ERAP1: variants seen among roughly 807,000 people sequenced by gnomAD.
The protein encoded by ERAP1 is adipocyte-derived leucine aminopeptidase.
ERAP1 carries 86 observed loss-of-function variants against 103.7 expected under a neutral mutation model. That is an observed-to-expected ratio of 0.83 (90% CI 0.70 to 0.99). The LOEUF (loss-of-function observed/expected upper bound fraction) is 0.99. ERAP1 is among the 50% of genes least tolerant of loss of function. ERAP1 has a pLI of 0.00. For missense variants in ERAP1, 1,009 were observed against 1,128.4 expected (o/e 0.89, Z 1.52); for synonymous variants, 398 against 402.4 (o/e 0.99, Z 0.13).
the ERAP1 span, chr5:96,915,840 T>C: frequency 2.3e-6 from 3 of 1,299,826 alleles, no homozygotes; most frequent in East Asian, 2.4e-5. Context: ...TAAACTTAGA[T>C]ATAATCTGAT....
chr5:96,915,339 T>C, the ERAP1 span, among the ~76,000 whole-genome samples: 33 of 152,186 alleles, frequency 2.2e-4, no homozygotes, highest in Non-Finnish European at 3.8e-4. Flanking sequence ...ATATGTATAT[T>C]GGGAAGTTCT....
chr5:96,817,700 A>G, the ERAP1 span, among the ~76,000 whole-genome samples: 1 of 152,244 alleles, frequency 6.6e-6, no homozygotes. Flanking sequence ...TCCAGGAGCC[A>G]TCTGCTAAAT....
At chr5:96,893,852 CT>C in the ERAP1 span, among the ~76,000 whole-genome samples, 1 of 152,278 alleles carries the variant, frequency 6.6e-6, no homozygotes, top group Non-Finnish European at 1.5e-5. Context: ...CATCTCTTGC[CT>C]ACACCTAAGC....
the ERAP1 span, among the ~76,000 whole-genome samples, chr5:96,921,831 G>A: frequency 3.3e-5 from 5 of 152,004 alleles, no homozygotes; most frequent in African/African-American, 9.7e-5. Context: ...TCATTCCTCC[G>A]TAAGGAATTC....
the ERAP1 span, among the ~76,000 whole-genome samples, chr5:96,920,224 G>T: frequency 6.6e-6 from 1 of 151,708 alleles, no homozygotes; most frequent in Admixed American, 6.6e-5. Flanking sequence ...AGGATCACTT[G>T]ATCCTGGGAG....
rs149492041 is a variant in ERAP1, at chr5:96,768,790, G to A, written c.2819-5562C>T. On this transcript the variant is annotated intron_variant, in intron 19 of 19. Coordinates refer to the ERAP1 transcript ENST00000296754. ...CTTCATTCCTCAGGGCACAGCTCAA[G>A]CATCAGCTCCTTAGGGAAGACTTTC... Among the ~76,000 whole-genome samples, 21 of 152,288 alleles carry A rather than the reference G, an allele frequency of 1.4e-4. No homozygotes were observed. In the East Asian group the frequency reaches 4.1e-3, roughly 29 times the overall value.
chr5:96,766,341 T>A (rs922308630), intron 19 of ERAP1, among the ~76,000 whole-genome samples: 1 of 152,196 alleles, frequency 6.6e-6, no homozygotes, highest in East Asian at 1.9e-4. Context: ...ATGCATATGC[T>A]AGGCTCTGTG....
chr5:96,816,646 G>T, the ERAP1 span, among the ~76,000 whole-genome samples: 2 of 152,106 alleles, frequency 1.3e-5, no homozygotes, highest in East Asian at 1.9e-4. Context: ...CAACCAGTTG[G>T]AGTCACTTTG....
rs35316964 is a variant in ERAP1 at position 96,775,046 on chromosome 5, G to GAATCAATC, written c.*1349_*1350insGATTGATT. ...GTCAGCGCAAAACACGCTGCAACTT[G>GAATCAATC]AATCAAGTCAGCAACAGAGCACACT... On this transcript the variant is annotated 3_prime_UTR_variant, in exon 19 of 19. Coordinates refer to ENST00000443439, the MANE Select transcript of ERAP1 (RefSeq NM_001040458.3). The GAATCAATC allele has an allele frequency of 6.0e-5, 59 of 985,380 alleles. No homozygotes were observed. Among genetic ancestry groups the GAATCAATC allele is most frequent in the Non-Finnish European group, 6.9e-5 (57 of 829,934 alleles). The allele number at this position is 985,380 out of a possible 1,614,324, so 61.0% of individuals were successfully genotyped here. A position where few individuals can be genotyped will look rare whatever the true frequency, so the allele number is the denominator to read the frequency against.
At chr5:96,929,339 G>A in the ERAP1 span, among the ~76,000 whole-genome samples, 4 of 152,218 alleles carry the variant, frequency 2.6e-5, no homozygotes, top group South Asian at 6.2e-4. Context: ...CAGACCCGAC[G>A]GATTTGCCAT....
chr5:96,889,287 T>C, the ERAP1 span: 3 of 1,614,066 alleles, frequency 1.9e-6, no homozygotes, highest in South Asian at 3.3e-5. Flanking sequence ...TGATATCTAC[T>C]ATCCACTCTC....
At chr5:96,858,952 C>G in the ERAP1 span, among the ~76,000 whole-genome samples, 2 of 151,996 alleles carry the variant, frequency 1.3e-5, no homozygotes, top group African/African-American at 4.8e-5. Flanking sequence ...CAAAACAGTT[C>G]CAAGAACCCT....
At chr5:96,771,953 G>A, downstream of ERAP1, 1 of 301,274 alleles carries the variant, frequency 3.3e-6, no homozygotes, top group South Asian at 9.6e-5. Flanking sequence ...ATTAGGCCAG[G>A]CACTTAGAAT....
chr5:96,918,796 G>A, the ERAP1 span: 11 of 151,982 alleles, frequency 7.2e-5, no homozygotes, highest in South Asian at 4.2e-4. Flanking sequence ...GTGTATTTTC[G>A]GTTAAATGAT....
At chr5:96,810,414 T>C (rs73148318), upstream of ERAP1, among the ~76,000 whole-genome samples, 2,225 of 152,358 alleles carry the variant, frequency 0.015, 45 homozygotes, top group African/African-American at 0.051. Flanking sequence ...TATGTGTGCA[T>C]GTGTGTGTTT....
intron 4 of ERAP1, among the ~76,000 whole-genome samples, 182 bp from the exon 5 acceptor site, chr5:96,795,344 AAAC>A (rs1777232923): frequency 6.6e-6 from 1 of 152,214 alleles, no homozygotes; most frequent in African/African-American, 2.4e-5. Flanking sequence ...CCCCTTCTGA[AAAC>A]AACAACAAAT....
the ERAP1 span, among the ~76,000 whole-genome samples, chr5:96,817,483 A>G: frequency 1.3e-5 from 2 of 152,258 alleles, no homozygotes; most frequent in Non-Finnish European, 2.9e-5. Context: ...CATTTTAAAA[A>G]CTAATTTCTA....
At chr5:96,771,766 A>C (rs1772435943), downstream of ERAP1, 1 of 1,021,238 alleles carries the variant, frequency 9.8e-7, no homozygotes, top group Admixed American at 1.9e-5. Context: ...TGTGTTATAG[A>C]TGAGAGAAGT....
At chr5:96,887,741 C>T in the ERAP1 span, among the ~76,000 whole-genome samples, 7 of 152,280 alleles carry the variant, frequency 4.6e-5, no homozygotes, top group African/African-American at 1.2e-4. Context: ...TCAGTGAACA[C>T]ATTAAATAAA....
Sources: allele counts gnomAD v4.1 joint callset (sites outside exome capture counted in the v4.1 genomes callset), GRCh38; gene constraint gnomAD v4.1.1; transcripts MANE v1.5; gene names NCBI Gene and HGNC (gene_info 2026-07-23, HGNC 2026-07-21).